Variants in GPC5 observed in about 807,000 individuals in gnomAD.
GPC5 encodes the protein glypican-5.
GPC5 carries 47 observed loss-of-function variants against 53.9 expected under a neutral mutation model. The observed-to-expected ratio is 0.87, with a 90% CI of 0.69 to 1.11. The LOEUF (loss-of-function observed/expected upper bound fraction) is 1.11. Among genes scored for constraint, GPC5 ranks in the 50% most tolerant of loss-of-function variants. GPC5 has a pLI of 0.00. For synonymous variants in GPC5, 286 were observed against 263.3 expected (o/e 1.09, Z -0.84); for missense variants, 748 against 713.1 (o/e 1.05, Z -0.56).
chr13:91,511,098 T>G (rs1475095214), intron 2 of GPC5, among the ~76,000 whole-genome samples: 1 of 152,134 alleles, frequency 6.6e-6, no homozygotes, highest in African/African-American at 2.4e-5. Flanking sequence ...TAGGTTAAAT[T>G]TGAGTTTGTA....
At chr13:92,325,660 C>A (rs1327776632) in intron 7 of GPC5, among the ~76,000 whole-genome samples, 1 of 152,018 alleles carries the variant, frequency 6.6e-6, no homozygotes, top group Non-Finnish European at 1.5e-5. Context: ...CAATGGAATA[C>A]TTCTTAGTAA....
intron 7 of GPC5, among the ~76,000 whole-genome samples, chr13:92,787,328 G>T (rs1876275688): frequency 6.6e-6 from 1 of 151,784 alleles, no homozygotes; most frequent in Non-Finnish European, 1.5e-5. Context: ...ATTATAAAAA[G>T]AATACTATAT....
At chr13:92,389,063 T>C (rs1874875688) in intron 7 of GPC5, among the ~76,000 whole-genome samples, 1 of 152,076 alleles carries the variant, frequency 6.6e-6, no homozygotes, top group Admixed American at 6.6e-5. Context: ...TCTTTTCTTG[T>C]TCATAATACA....
intron 7 of GPC5, among the ~76,000 whole-genome samples, chr13:92,715,808 G>A (rs927897146): frequency 1.3e-5 from 2 of 152,192 alleles, no homozygotes; most frequent in African/African-American, 2.4e-5. Context: ...ATCCCACGGT[G>A]ATGGACAAGG....
intron 2 of GPC5, among the ~76,000 whole-genome samples, chr13:91,603,761 A>C (rs1460918629): frequency 3.9e-5 from 6 of 152,124 alleles, no homozygotes; most frequent in Non-Finnish European, 8.8e-5. Context: ...AGAACATACA[A>C]TATGGACTTA....
rs545568690 is a variant in GPC5 at position 91,674,524 on chromosome 13, C to T, written c.326-18663C>T. Reference sequence around the variant, plus strand: ...ATATGTGTATATATACACATATATGCGTATGTGTATATATACGCATATATA... The same window carrying T: ...ATATGTGTATATATACACATATATGTGTATGTGTATATATACGCATATATA... On this transcript the variant is annotated intron_variant, in intron 2 of 7. Transcript: ENST00000377067. 1.6e-3 allele frequency among the ~76,000 whole-genome samples: 223 copies of T among 135,968 alleles called. 3 individuals are homozygous for T. Among genetic ancestry groups the T allele is most frequent in the African/African-American group, 6.0e-3 (207 of 34,726 alleles). The allele number at this position is 135,968 out of a possible 152,430, so 89.2% of individuals were successfully genotyped here.
intron 2 of GPC5, among the ~76,000 whole-genome samples, chr13:91,451,768 C>T (rs531995336): frequency 1.5e-4 from 22 of 151,676 alleles, no homozygotes; most frequent in Non-Finnish European, 2.9e-4. Flanking sequence ...CAGATGTGTG[C>T]CACCATGCCC....
rs183678330 is a variant in GPC5, at chr13:92,708,997, C to T, written c.1562-157285C>T. On this transcript the variant is annotated intron_variant, in intron 7 of 7. Transcript: ENST00000377067. ...TACCACATTCAAGTGATTCTCCTGC[C>T]TCAGCCTCTCAAGTAGCTGGGCCTG... 6.8e-5 allele frequency among the ~76,000 whole-genome samples: 10 copies of T among 146,914 alleles called. 1 individual carries two copies. The East Asian group carries it at 2.0e-3, about 30-fold the overall frequency.
At chr13:92,122,740 CTT>C (rs3058805) in intron 6 of GPC5, among the ~76,000 whole-genome samples, 4,070 of 67,098 alleles carry the variant, frequency 0.061, 136 homozygotes, top group African/African-American at 0.12. Flanking sequence ...ATAGGTCAGT[CTT>C]TTTTTTTTTT....
rs199856950 is a variant in GPC5 at position 92,337,185 on chromosome 13, TAGC to T, written c.1561+192201_1561+192203del. On this transcript the variant is annotated intron_variant, in intron 7 of 7. Transcript: ENST00000377067. ...TAAAAAAATACAATGCCATTTATGT[TAGC>T]AGCACCCCCCACCCAAAAAAAAAAA... Among the ~76,000 whole-genome samples the T allele has an allele frequency of 8.9e-3, 1,190 of 133,718 alleles. 12 individuals are homozygous for T. The highest frequency in any genetic ancestry group is 0.037 in the African/African-American group (1,129 of 30,774). 87.7% of individuals were successfully genotyped at this position (133,718 alleles called of 152,430 possible). A position where few individuals can be genotyped will look rare whatever the true frequency, so the allele number is the denominator to read the frequency against.
intron 2 of GPC5, among the ~76,000 whole-genome samples, chr13:91,534,599 G>A (rs1466442354): frequency 6.6e-6 from 1 of 152,178 alleles, no homozygotes; most frequent in Non-Finnish European, 1.5e-5. Flanking sequence ...ATGGTGGATC[G>A]ATGGAGAATG....
In GPC5 at chr13:92,290,643, A is replaced by C. The variant is rs371300889; in HGVS notation, c.1561+145654A>C. 1.9e-3 allele frequency among the ~76,000 whole-genome samples: 294 copies of C among 152,308 alleles called. 3 individuals are homozygous for C. Among genetic ancestry groups the C allele is most frequent in the African/African-American group, 5.9e-3 (247 of 41,560 alleles). On this transcript the variant is annotated intron_variant, in intron 7 of 7. Transcript: ENST00000377067. The stretch of plus-strand genomic sequence containing the variant: ...AATGAGTCTCCAATCTCATCCAGGT[A>C]GCTGTGCATGCCATTAACTCATTCC...
chr13:91,778,274 T>A (rs1428029177), intron 5 of GPC5, among the ~76,000 whole-genome samples: 1 of 152,202 alleles, frequency 6.6e-6, no homozygotes, highest in Non-Finnish European at 1.5e-5. Flanking sequence ...GTTTTTATTA[T>A]AAAAGTTTCA....
chr13:92,323,026 T>C (rs2043226188), intron 7 of GPC5, among the ~76,000 whole-genome samples: 1 of 151,906 alleles, frequency 6.6e-6, no homozygotes, highest in South Asian at 2.1e-4. Flanking sequence ...ACTATCAATC[T>C]TCCCAAAAAA....
At chr13:92,169,992 A>C (rs2042058014) in intron 7 of GPC5, among the ~76,000 whole-genome samples, 1 of 152,066 alleles carries the variant, frequency 6.6e-6, no homozygotes, top group African/African-American at 2.4e-5. Context: ...TATAATCAAT[A>C]GCATAAAATA....
At chr13:91,869,320 A>G (rs1338710181) in intron 5 of GPC5, among the ~76,000 whole-genome samples, 1 of 152,038 alleles carries the variant, frequency 6.6e-6, no homozygotes, top group African/African-American at 2.4e-5. Context: ...CAGCCTCCCA[A>G]AGTGCTGGGA....
At chr13:91,882,937 C>T (rs571726344) in intron 5 of GPC5, among the ~76,000 whole-genome samples, 1 of 152,208 alleles carries the variant, frequency 6.6e-6, no homozygotes, top group African/African-American at 2.4e-5. Flanking sequence ...GTCAGTGTTA[C>T]AGTTACTATT....
At chr13:92,574,867 G>A (rs1883143603) in intron 7 of GPC5, among the ~76,000 whole-genome samples, 1 of 152,266 alleles carries the variant, frequency 6.6e-6, no homozygotes, top group Admixed American at 6.5e-5. Context: ...AAGAAGGTCA[G>A]GAGTAAAGAC....
At chr13:92,864,112 G>A (rs1020638168) in intron 7 of GPC5, among the ~76,000 whole-genome samples, 2 of 152,186 alleles carry the variant, frequency 1.3e-5, no homozygotes, top group East Asian at 3.9e-4. Context: ...TATTCATGGA[G>A]CTAGAATTTT....
Sources: gnomAD v4.1 joint callset for allele counts (sites outside exome capture counted in the v4.1 genomes callset) on GRCh38, gnomAD v4.1.1 for gene constraint, MANE v1.5 for transcripts, NCBI Gene and HGNC (gene_info 2026-07-23, HGNC 2026-07-21) for gene names.